The following CYP27A1 variants were observed in gnomAD, a reference collection of about 807,000 sequenced individuals.
The protein encoded by CYP27A1 is cytochrome P450 family 27 subfamily A member 1.
In CYP27A1, 46 loss-of-function variants were observed where a neutral mutation model predicts 58.2. The observed-to-expected ratio is 0.79, with a 90% confidence interval of 0.62 to 1.01. The LOEUF (loss-of-function observed/expected upper bound fraction) is 1.01. CYP27A1 is among the 50% of genes least tolerant of loss of function. The pLI, the probability that CYP27A1 is intolerant of heterozygous loss-of-function variation, is 0.00. For missense variants in CYP27A1, 704 were observed against 687.0 expected (o/e 1.02, Z -0.28); for synonymous variants, 274 against 285.1 (o/e 0.96, Z 0.39).
intron 1 of CYP27A1, among the ~76,000 whole-genome samples, chr2:218,786,859 A>C (rs138350621): frequency 0.015 from 2,222 of 151,566 alleles, 63 homozygotes; most frequent in African/African-American, 0.051. Context: ...CAGTGGTGCG[A>C]TCATGGCTCA....
At chr2:218,792,612 A>C (rs1345865426) in intron 1 of CYP27A1, among the ~76,000 whole-genome samples, 1 of 152,222 alleles carries the variant, frequency 6.6e-6, no homozygotes, top group African/African-American at 2.4e-5. Flanking sequence ...TGAAATTTTC[A>C]TAAACTGCAT....
chr2:218,814,928 G>C lies in CYP27A1; in HGVS notation c.1494G>C (p.Lys498Asn), dbSNP rs377290147. Residue 498 changes from lysine (K) to asparagine (N), a missense_variant, in exon 9 of 9, where the codon AAG (lysine) becomes AAC (asparagine). Physicochemically the swap from Lys to Asn is moderately conservative, Grantham distance 94. Transcript: ENST00000258415. ...LLLARLIQKY[K>N]VVLAPETGEL... ...CCCCCCAGCTGATCCAGAAGTACAA[G>C]GTGGTCCTGGCCCCGGAGACGGGGG... 1.1e-5 allele frequency: 17 copies of C among 1,614,250 alleles called. No individual in the cohort carries two copies. Among genetic ancestry groups the C allele is most frequent in the Middle Eastern group, 1.6e-4 (1 of 6,062 alleles).
chr2:218,806,564 T>C (rs1467046628), intron 1 of CYP27A1, among the ~76,000 whole-genome samples: 1 of 152,238 alleles, frequency 6.6e-6, no homozygotes, highest in East Asian at 1.9e-4. Flanking sequence ...CATAATATTG[T>C]GGTTTTAAAA....
chr2:218,782,492 G>A lies in CYP27A1; in HGVS notation c.255+55G>A. 1 of 1,610,232 alleles carries A rather than the reference G, an allele frequency of 6.2e-7. No individual in the cohort carries two copies. Among genetic ancestry groups the A allele is most frequent in the Non-Finnish European group, 8.5e-7 (1 of 1,177,480 alleles). On this transcript the variant is annotated intron_variant, in intron 1 of 8. Coordinates refer to ENST00000258415, the MANE Select transcript of CYP27A1 (RefSeq NM_000784.4). This position sits in a 1 kb window ranked among gnomAD's most constrained non-coding sequence, Gnocchi z 4.1. Reference sequence around the variant, plus strand: ...ATGGGAGTGGGCACCGGAACAGAGAGGCTAGAGGTGAGAAGACGTTGGACA... The same window carrying A: ...ATGGGAGTGGGCACCGGAACAGAGAAGCTAGAGGTGAGAAGACGTTGGACA...
chr2:218,812,188 C>A, intron 2 of CYP27A1, 34 bp from the exon 3 acceptor site: 1 of 1,568,670 alleles, frequency 6.4e-7, no homozygotes, highest in Non-Finnish European at 8.8e-7. Context: ...CCCATAGAGG[C>A]TTATCTTTGT....
chr2:218,814,818 A>G, intron 8 of CYP27A1, 61 bp downstream of exon 8: 1 of 1,613,360 alleles, frequency 6.2e-7, no homozygotes, highest in African/African-American at 1.3e-5. Flanking sequence ...TCCTGGGAGG[A>G]GAGGAAGGGA....
intron 1 of CYP27A1, among the ~76,000 whole-genome samples, chr2:218,798,653 C>G (rs543838282): frequency 6.6e-6 from 1 of 152,036 alleles, no homozygotes; most frequent in African/African-American, 2.4e-5. Flanking sequence ...GAGGCTGAGG[C>G]GGATGGATCA....
chr2:218,809,126 A>C (rs890412624), intron 1 of CYP27A1, among the ~76,000 whole-genome samples: 1 of 152,064 alleles, frequency 6.6e-6, no homozygotes, highest in African/African-American at 2.4e-5. Context: ...TGTTGATTAC[A>C]TAAGGCATTC....
intron 2 of CYP27A1, among the ~76,000 whole-genome samples, chr2:218,810,720 A>T (rs944245621): frequency 6.6e-6 from 1 of 152,220 alleles, no homozygotes; most frequent in Non-Finnish European, 1.5e-5. Context: ...TGAAGTCCCA[A>T]CAAATAGGTC....
intron 1 of CYP27A1, among the ~76,000 whole-genome samples, chr2:218,783,987 G>A (rs1185624749): frequency 6.6e-6 from 1 of 152,188 alleles, no homozygotes; most frequent in Non-Finnish European, 1.5e-5. Context: ...CCAGGCTGTG[G>A]TGTGTGTAGT....
Position 218,812,709 on chromosome 2 carries a change from G to T in CYP27A1, c.804G>T (p.Trp268Cys), listed in dbSNP as rs1943736101. The T allele has an allele frequency of 1.9e-6, 3 of 1,614,188 alleles. No homozygotes were observed. Among genetic ancestry groups the T allele is most frequent in the Admixed American group, 1.7e-5 (1 of 60,016 alleles). Residue 268 changes from tryptophan to cysteine, a missense_variant, in exon 4 of 9, where the codon TGG (tryptophan) becomes TGT (cysteine). By Grantham distance (215) the Trp-to-Cys change is radical. Coordinates refer to ENST00000258415, the MANE Select transcript of CYP27A1 (RefSeq NM_000784.4). ...PKWTRPVLPF[W>C]KRYLDGWNAI... is the part of the protein sequence containing the mutation. ...GGACTCGCCCCGTGCTGCCTTTCTG[G>T]AAGCGATACCTGGATGGTTGGAATG...
chr2:218,805,172 G>A (rs1262548244), intron 1 of CYP27A1, among the ~76,000 whole-genome samples: 1 of 152,130 alleles, frequency 6.6e-6, no homozygotes, highest in Non-Finnish European at 1.5e-5. Context: ...TATTGTAAAT[G>A]GAATTATTTT....
chr2:218,801,132 A>G (rs756562098), intron 1 of CYP27A1, among the ~76,000 whole-genome samples: 3 of 152,216 alleles, frequency 2.0e-5, no homozygotes, highest in African/African-American at 7.2e-5. Flanking sequence ...CGGATCTTTG[A>G]TATGTAGCAC....
chr2:218,789,081 A>C (rs1173360546), intron 1 of CYP27A1, among the ~76,000 whole-genome samples: 1 of 152,244 alleles, frequency 6.6e-6, no homozygotes, highest in African/African-American at 2.4e-5. Flanking sequence ...AATCATAGCA[A>C]TTTAGCATTT....
chr2:218,798,637 C>G (rs1559388344), intron 1 of CYP27A1, among the ~76,000 whole-genome samples: 1 of 152,126 alleles, frequency 6.6e-6, no homozygotes, highest in Non-Finnish European at 1.5e-5. Context: ...AATCCCAGCA[C>G]TTTGGGAGGC....
At chr2:218,797,305 T>C (rs1018282113) in intron 1 of CYP27A1, among the ~76,000 whole-genome samples, 1 of 152,172 alleles carries the variant, frequency 6.6e-6, no homozygotes, top group Admixed American at 6.5e-5. Context: ...TTCACCATGT[T>C]GGCCAGGCAG....
At chr2:218,783,273 AAAAG>A (rs1943412638) in intron 1 of CYP27A1, among the ~76,000 whole-genome samples, 1 of 149,422 alleles carries the variant, frequency 6.7e-6, no homozygotes, top group Non-Finnish European at 1.5e-5. Context: ...AAAAAAAAAA[AAAAG>A]AAAAAAAGAA....
chr2:218,799,098 G>A (rs1943574905), intron 1 of CYP27A1, among the ~76,000 whole-genome samples: 1 of 152,178 alleles, frequency 6.6e-6, no homozygotes, highest in Non-Finnish European at 1.5e-5. Context: ...CAGCCTGCCA[G>A]CCTGTGCTGC....
intron 1 of CYP27A1, among the ~76,000 whole-genome samples, chr2:218,789,194 AG>A (rs1296309905): frequency 6.6e-6 from 1 of 152,260 alleles, no homozygotes; most frequent in Non-Finnish European, 1.5e-5. Context: ...GTCCCATAGT[AG>A]GGGGCTAATT....
Sources: allele counts gnomAD v4.1 joint callset (sites outside exome capture counted in the v4.1 genomes callset), GRCh38; gene constraint gnomAD v4.1.1; non-coding constraint Gnocchi (gnomAD v3.1); transcripts MANE v1.5; gene names NCBI Gene and HGNC (gene_info 2026-07-23, HGNC 2026-07-21).